Variants in ICOS observed in about 807,000 individuals in gnomAD.
The protein encoded by ICOS is inducible T cell costimulator.
Under a neutral mutation model 24.6 loss-of-function variants are expected in ICOS, and 15 were observed. That is an observed-to-expected ratio of 0.61 (90% CI 0.41 to 0.94). The LOEUF is 0.94. Among genes scored for constraint, ICOS ranks in the 40% least tolerant of loss-of-function variants. The pLI is 0.00. For missense variants in ICOS, 200 were observed against 233.0 expected, an observed-to-expected ratio of 0.86 and a Z score of 0.92; for synonymous variants, 89 against 77.5, an observed-to-expected ratio of 1.15 and a Z score of -0.78.
chr2:203,950,601 T>C (rs1428713857), intron 1 of ICOS, among the ~76,000 whole-genome samples: 1 of 152,236 alleles, frequency 6.6e-6, no homozygotes, highest in African/African-American at 2.4e-5. Context: ...TTAAATGCTA[T>C]AGTTAAAAAC....
intron 1 of ICOS, 88 bp downstream of exon 1, chr2:203,936,960 A>AC: frequency 1.0e-6 from 1 of 996,582 alleles, no homozygotes. Flanking sequence ...CGCACCCAAA[A>AC]GACAGTGGTT....
rs767276545 is a variant in ICOS, at chr2:203,955,781, A to G, written c.204A>G (p.Thr68=). The change falls in exon 2 of 5, where the codon ACA becomes ACG. Residue 68 remains threonine, a synonymous_variant. Coordinates refer to ENST00000316386, the MANE Select transcript of ICOS (RefSeq NM_012092.4). ...AAATACTCTGCGATCTCACTAAGAC[A>G]AAAGGAAGTGGAAACACAGTGTCCA... ...GGQILCDLTK[T]KGSGNTVSIK... The G allele has an allele frequency of 1.2e-6, 2 of 1,613,762 alleles. No homozygotes were observed. Among genetic ancestry groups the G allele is most frequent in the Non-Finnish European group, 1.7e-6 (2 of 1,179,850 alleles).
In ICOS at chr2:203,961,270, G is replaced by A. The variant is rs1199773297; in HGVS notation, c.*1671G>A. 6.4e-6 allele frequency: 1 copy of A among 155,480 alleles called. No homozygotes were observed. Among genetic ancestry groups the A allele is most frequent in the Non-Finnish European group, 1.4e-5 (1 of 70,566 alleles). 9.6% of individuals were successfully genotyped at this position (155,480 alleles called of 1,614,324 possible). On this transcript the variant is annotated 3_prime_UTR_variant, in exon 5 of 5. Coordinates refer to ENST00000316386, the MANE Select transcript of ICOS (RefSeq NM_012092.4). ...TGAACTTGTAATTTGAATCTAGTATGGTGTTCTGTTTTCAGCTGACTTGGA... is the reference window on the plus strand; with the variant it reads ...TGAACTTGTAATTTGAATCTAGTATAGTGTTCTGTTTTCAGCTGACTTGGA...
At chr2:203,941,980 A>G (rs1180018293) in intron 1 of ICOS, among the ~76,000 whole-genome samples, 2 of 152,140 alleles carry the variant, frequency 1.3e-5, no homozygotes, top group Non-Finnish European at 2.9e-5. Context: ...GCTTGTATCT[A>G]CTTTGCTTGA....
intron 1 of ICOS, among the ~76,000 whole-genome samples, chr2:203,939,375 T>G (rs1403746394): frequency 2.0e-5 from 3 of 152,062 alleles, no homozygotes; most frequent in Non-Finnish European, 4.4e-5. Context: ...AAAGTCTTGT[T>G]TTTTTTTAAT....
chr2:203,946,859 T>C (rs1055635963), intron 1 of ICOS, among the ~76,000 whole-genome samples: 4 of 152,246 alleles, frequency 2.6e-5, no homozygotes, highest in Non-Finnish European at 1.5e-5. Context: ...GGACATCTTA[T>C]CTTTCCATCA....
At chr2:203,953,595 G>A (rs1289091748) in intron 1 of ICOS, among the ~76,000 whole-genome samples, 1 of 152,176 alleles carries the variant, frequency 6.6e-6, no homozygotes, top group South Asian at 2.1e-4. Context: ...GGCAACTAGT[G>A]TAAGTAGAGG....
At position 203,959,905 on chromosome 2, in the gene ICOS, C is replaced by A; in HGVS notation, c.*306C>A. On this transcript the variant is annotated 3_prime_UTR_variant, in exon 5 of 5. Transcript: ENST00000316386. Reference sequence around the variant, plus strand: ...ACATCTGCTCCTAGCAGTGCATCAGCCAGTAAAACAAACACATTTACAAGA... The same window carrying A: ...ACATCTGCTCCTAGCAGTGCATCAGACAGTAAAACAAACACATTTACAAGA... The A allele has an allele frequency of 2.0e-6, 1 of 489,018 alleles. No homozygotes were observed. The highest frequency in any genetic ancestry group is 3.7e-5 in the East Asian group (1 of 27,178). 30.3% of individuals were successfully genotyped at this position (489,018 alleles called of 1,614,324 possible). A position where few individuals can be genotyped will look rare whatever the true frequency, so the allele number is the denominator to read the frequency against.
intron 4 of ICOS, 68 bp downstream of exon 4, chr2:203,957,951 T>C (rs1192183490): frequency 4.1e-6 from 4 of 969,280 alleles, no homozygotes; most frequent in Non-Finnish European, 4.8e-6. Context: ...ATGTTAATTT[T>C]TTTTTTTTTA....
Position 203,955,868 on chromosome 2 carries a change from C to A in ICOS, c.291C>A (p.Tyr97Ter), listed in dbSNP as rs778146668. The part of the protein sequence containing the change: ...LSNNSVSFFL[Y>*]NLDHSHANYY... ...ACAACAGTGTCTCTTTTTTTCTATACAACTTGGACCATTCTCATGCCAACT... is the reference window on the plus strand; with the variant it reads ...ACAACAGTGTCTCTTTTTTTCTATAAAACTTGGACCATTCTCATGCCAACT... The change falls in exon 2 of 5, where the codon TAC becomes TAA. Residue 97 changes from tyrosine (Y) to a stop codon, truncating the protein, a stop_gained. Transcript: ENST00000316386. LOFTEE classifies it high-confidence loss of function. 8.7e-6 allele frequency: 14 copies of A among 1,613,654 alleles called. No homozygotes were observed. Among genetic ancestry groups the A allele is most frequent in the Non-Finnish European group, 1.1e-5 (13 of 1,179,674 alleles).
At chr2:203,937,408 A>G (rs1294288950) in intron 1 of ICOS, among the ~76,000 whole-genome samples, 1 of 152,204 alleles carries the variant, frequency 6.6e-6, no homozygotes, top group African/African-American at 2.4e-5. Context: ...CAAGGAGGAA[A>G]GGATAATGTA....
At chr2:203,957,459 T>C (rs1051180556) in intron 3 of ICOS, among the ~76,000 whole-genome samples, 2 of 152,184 alleles carry the variant, frequency 1.3e-5, no homozygotes, top group South Asian at 2.1e-4. Flanking sequence ...ATGCTAGTAC[T>C]CAAGTATATC....
At chr2:203,941,795 G>T (rs912404454) in intron 1 of ICOS, among the ~76,000 whole-genome samples, 3 of 152,082 alleles carry the variant, frequency 2.0e-5, no homozygotes, top group African/African-American at 7.2e-5. Flanking sequence ...TTGGAAAGTG[G>T]AACTTAAGTA....
intron 1 of ICOS, among the ~76,000 whole-genome samples, chr2:203,941,680 A>C (rs1454176169): frequency 6.6e-6 from 1 of 152,252 alleles, no homozygotes; most frequent in African/African-American, 2.4e-5. Context: ...GCATCTCAGT[A>C]CTACTGCTGT....
At chr2:203,952,058 G>A (rs1430939982) in intron 1 of ICOS, among the ~76,000 whole-genome samples, 2 of 151,934 alleles carry the variant, frequency 1.3e-5, no homozygotes, top group Non-Finnish European at 2.9e-5. Context: ...ATATAGAAAA[G>A]TGAAAAAAAT....
At chr2:203,956,050 G>C in intron 2 of ICOS, 79 bp downstream of exon 2, 2 of 939,520 alleles carry the variant, frequency 2.1e-6, no homozygotes, top group Non-Finnish European at 3.3e-6. Flanking sequence ...AAATCAATTA[G>C]ACAAATAAAT....
intron 1 of ICOS, among the ~76,000 whole-genome samples, chr2:203,952,209 AT>A (rs1265539187): frequency 6.6e-6 from 1 of 152,192 alleles, no homozygotes; most frequent in Admixed American, 6.5e-5. Context: ...ATTAGGCTGA[AT>A]TTTGTGATAC....
chr2:203,945,615 A>G (rs1158300160), intron 1 of ICOS, among the ~76,000 whole-genome samples: 1 of 152,240 alleles, frequency 6.6e-6, no homozygotes, highest in Non-Finnish European at 1.5e-5. Context: ...ACAAACCTGT[A>G]CAGCATGTTA....
intron 3 of ICOS, 108 bp from the exon 4 acceptor site, chr2:203,957,691 T>TATCATGTTTTTGTCACATA (rs1361296787): frequency 2.4e-6 from 2 of 816,528 alleles, no homozygotes; most frequent in African/African-American, 3.4e-5. Flanking sequence ...TAAGTCACAT[T>TATCATGTTTTTGTCACATA]ATCATGTTTT....
Sources: gnomAD v4.1 joint callset for allele counts (sites outside exome capture counted in the v4.1 genomes callset) on GRCh38, gnomAD v4.1.1 for gene constraint, MANE v1.5 for transcripts, NCBI Gene and HGNC (gene_info 2026-07-23, HGNC 2026-07-21) for gene names.